Variants in NLRC5 observed in about 807,000 individuals in gnomAD.
NLRC5 encodes the protein NLR family CARD domain containing 5, also known as protein NLRC5.
In NLRC5, 114 loss-of-function variants were observed where a neutral mutation model predicts 206.9. That is an observed-to-expected ratio of 0.55 (90% CI 0.47 to 0.64). NLRC5 has a LOEUF of 0.64. Ranked by LOEUF, NLRC5 falls within the 30% of genes least tolerant of loss-of-function variation. NLRC5 has a pLI of 0.00. For missense variants in NLRC5, 2,008 were observed against 2,305.5 expected (o/e 0.87, Z 2.64); for synonymous variants, 952 against 962.8 (o/e 0.99, Z 0.21).
intron 20 of NLRC5, chr16:57,045,174 A>C (rs2063780517): frequency 4.8e-6 from 2 of 420,530 alleles, no homozygotes; most frequent in Non-Finnish European, 9.0e-6. Flanking sequence ...ACCACTGCAC[A>C]CCAGCCTGGG....
chr16:57,070,573 C>A lies in NLRC5; in HGVS notation c.4622C>A (p.Ala1541Glu), dbSNP rs377644369. Residue 1541 changes from alanine to glutamate, a missense_variant, in exon 38 of 49, where the codon GCG becomes GAG. Physicochemically the swap from Ala to Glu is moderately radical, Grantham distance 107 (BLOSUM62 -1). Transcript: ENST00000688547. ...CAATTTGATGAGGAGGGCACCAAGG[C>A]GCTGATGAGGGCCCTTGAGGGGAAA... ...NNQFDEEGTK[A>E]LMRALEGKWM... The A allele has an allele frequency of 1.2e-6, 2 of 1,614,076 alleles. No homozygotes were observed. The highest frequency in any genetic ancestry group is 1.7e-4 in the Middle Eastern group (1 of 6,060).
intron 3 of NLRC5, 29 bp from the exon 4 acceptor site, chr16:57,022,226 TA>T (rs1567542801): frequency 6.3e-7 from 1 of 1,590,806 alleles, no homozygotes; most frequent in Non-Finnish European, 8.6e-7. Flanking sequence ...GACAGCCCCA[TA>T]CCACATTATA....
intron 1 of NLRC5, among the ~76,000 whole-genome samples, chr16:56,994,084 C>A (rs1178530039): frequency 6.6e-6 from 1 of 151,650 alleles, no homozygotes; most frequent in Non-Finnish European, 1.5e-5. Flanking sequence ...GTGGCTGGAA[C>A]CTGTGTGCAA....
Position 57,024,091 on chromosome 16 carries a change from C to T in NLRC5, c.424+238C>T, listed in dbSNP as rs199475970. On this transcript the variant is annotated intron_variant, in intron 5 of 48. Coordinates refer to ENST00000688547, the MANE Select transcript of NLRC5 (RefSeq NM_001384950.1). ...ATGGGGACTTCTCTGAAGAGGGCTC[C>T]GCTGAAGGAGCTGGAAGCACCATAC... Among the ~76,000 whole-genome samples, 235 of 152,332 alleles carry T rather than the reference C, an allele frequency of 1.5e-3. 1 individual carries two copies. Among genetic ancestry groups the T allele is most frequent in the African/African-American group, 5.4e-3 (224 of 41,574 alleles).
At chr16:57,078,466 G>GTTTTTTT (rs71383218) in intron 43 of NLRC5, among the ~76,000 whole-genome samples, 6 of 92,206 alleles carry the variant, frequency 6.5e-5, no homozygotes, top group East Asian at 7.5e-4. Context: ...CTGGGACCTT[G>GTTTTTTT]TTTTTTTTTT....
At position 57,075,005 on chromosome 16, in the gene NLRC5, C is replaced by CTTTTT. The variant is rs77796033; in HGVS notation, c.4751+360_4751+364dup. Among the ~76,000 whole-genome samples the CTTTTT allele has an allele frequency of 1.4e-3, 80 of 58,102 alleles. 33 individuals carry two copies. Among genetic ancestry groups the CTTTTT allele is most frequent in the Non-Finnish European group, 1.9e-3 (60 of 31,638 alleles). The allele number at this position is 58,102 out of a possible 152,430, so 38.1% of individuals were successfully genotyped here. A position where few individuals can be genotyped will look rare whatever the true frequency, so the allele number is the denominator to read the frequency against. ...GGTCTGGAATTCTGCCTAGACTGTGCTTTTTTTTTTTTTTTTTTTTTTTTT... is the reference window on the plus strand; with the variant it reads ...GGTCTGGAATTCTGCCTAGACTGTGCTTTTTTTTTTTTTTTTTTTTTTTTTTTTTT... On this transcript the variant is annotated intron_variant, in intron 39 of 48. Transcript: ENST00000688547.
chr16:57,040,624 G>A (rs746118722), intron 16 of NLRC5, 26 bp from the exon 17 acceptor site: 1 of 1,612,504 alleles, frequency 6.2e-7, no homozygotes, highest in Non-Finnish European at 8.5e-7. Context: ...CCTTTGCTCA[G>A]CCTGGCCTTG....
rs1346760666 is a variant in NLRC5 at position 57,069,891 on chromosome 16, G to C, written c.4555G>C (p.Gly1519Arg). ...CCTCGCCCACCTGGCATCTGGTCTGGGCCACTGCCACCACTTGGAGGAGCT... is the reference window on the plus strand; with the variant it reads ...CCTCGCCCACCTGGCATCTGGTCTGCGCCACTGCCACCACTTGGAGGAGCT... The part of the protein sequence containing the change: ...EGLAHLASGL[G>R]HCHHLEELDL... Residue 1519 changes from glycine to arginine, a missense_variant, in exon 37 of 49, where the codon GGC becomes CGC. Physicochemically the swap from Gly to Arg is moderately radical, Grantham distance 125 (BLOSUM62 -2). Coordinates refer to ENST00000688547, the MANE Select transcript of NLRC5 (RefSeq NM_001384950.1). 6.3e-7 allele frequency: 1 copy of C among 1,590,328 alleles called. No individual in the cohort carries two copies. The highest frequency in any genetic ancestry group is 1.3e-5 in the African/African-American group (1 of 74,532).
In NLRC5 at chr16:57,001,388, G is replaced by A. The variant is rs892014159; in HGVS notation, c.-128+11771G>A. Reference sequence around the variant, plus strand: ...TTTCCCCTCCATCCCAAGACCTAATGGGACCTCCTCCTTAATCTAATCCTC... The same window carrying A: ...TTTCCCCTCCATCCCAAGACCTAATAGGACCTCCTCCTTAATCTAATCCTC... On this transcript the variant is annotated intron_variant, in intron 1 of 48. Transcript: ENST00000688547. 2.6e-5 allele frequency among the ~76,000 whole-genome samples: 4 copies of A among 152,162 alleles called. No individual in the cohort carries two copies. In the South Asian group the frequency reaches 6.2e-4, roughly 24 times the overall value.
At chr16:57,071,674 G>A (rs2067808250) in intron 38 of NLRC5, among the ~76,000 whole-genome samples, 2 of 139,038 alleles carry the variant, frequency 1.4e-5, no homozygotes, top group South Asian at 5.1e-4. Flanking sequence ...AGTGGTGATG[G>A]TGGTTAATGG....
chr16:56,997,729 C>G (rs772539104), intron 1 of NLRC5, among the ~76,000 whole-genome samples: 1 of 152,042 alleles, frequency 6.6e-6, no homozygotes, highest in African/African-American at 2.4e-5. Context: ...CACAGGCACA[C>G]GACACCATGC....
At chr16:57,059,109 G>A in intron 29 of NLRC5, 48 bp downstream of exon 29, 6 of 1,612,788 alleles carry the variant, frequency 3.7e-6, no homozygotes, top group Non-Finnish European at 5.1e-6. Context: ...TGGCCAACAG[G>A]TGCCCCTGGC....
intron 1 of NLRC5, among the ~76,000 whole-genome samples, chr16:57,015,583 C>A (rs1212615531): frequency 1.4e-5 from 2 of 144,094 alleles, no homozygotes; most frequent in African/African-American, 5.3e-5. Flanking sequence ...AAGACCCTGT[C>A]TCTTAAAAAA....
chr16:57,048,010 T>C, intron 23 of NLRC5: 1 of 219,596 alleles, frequency 4.6e-6, no homozygotes, highest in African/African-American at 2.2e-5. Context: ...GCACCCCCAC[T>C]CTCCTTGGGG....
At chr16:57,061,375 G>A (rs2066457803) in intron 30 of NLRC5, 73 bp from the exon 31 acceptor site, 1 of 1,469,924 alleles carries the variant, frequency 6.8e-7, no homozygotes, top group Non-Finnish European at 9.4e-7. Context: ...AGGCCCTCAG[G>A]GAGGCTGAGA....
chr16:57,062,166 G>A (rs545614055), intron 32 of NLRC5: 81 of 708,694 alleles, frequency 1.1e-4, no homozygotes, highest in South Asian at 6.2e-4. Context: ...CAGCTGAAGC[G>A]GTTTCAAGTA....
At chr16:57,067,558 C>A in intron 35 of NLRC5, 88 bp downstream of exon 35, 1 of 1,431,472 alleles carries the variant, frequency 7.0e-7, no homozygotes, top group Non-Finnish European at 9.8e-7. Flanking sequence ...CTGGCATTCT[C>A]ACTTCCTTGT....
At chr16:57,080,881 A>G in intron 46 of NLRC5, 1 of 540,160 alleles carries the variant, frequency 1.9e-6, no homozygotes, top group Non-Finnish European at 3.3e-6. Context: ...CTTGTGAACA[A>G]CGTCATGATT....
intron 32 of NLRC5, among the ~76,000 whole-genome samples, chr16:57,063,059 T>C (rs1049845438): frequency 6.6e-6 from 1 of 152,032 alleles, no homozygotes; most frequent in Non-Finnish European, 1.5e-5. Flanking sequence ...TAATGTCCTC[T>C]GGTTCATTCA....
Sources: allele counts gnomAD v4.1 joint callset (sites outside exome capture counted in the v4.1 genomes callset), GRCh38; gene constraint gnomAD v4.1.1; transcripts MANE v1.5; gene names NCBI Gene and HGNC (gene_info 2026-07-23, HGNC 2026-07-21).